FAM47E: variants seen among roughly 807,000 people sequenced by gnomAD.
The protein encoded by FAM47E is protein FAM47E.
A neutral mutation model predicts 41.6 loss-of-function variants in FAM47E; 32 were observed. That is an observed-to-expected ratio of 0.77 (90% CI 0.58 to 1.03). The LOEUF (loss-of-function observed/expected upper bound fraction) is 1.03, where lower values mean the gene tolerates loss of function less well. Among genes scored for constraint, FAM47E ranks in the 50% least tolerant of loss-of-function variants. FAM47E has a pLI of 0.00. For synonymous variants in FAM47E, 184 were observed against 188.7 expected (o/e 0.98, Z 0.20); for missense variants, 424 against 485.4 (o/e 0.87, Z 1.19).
chr4:76,225,844 T>C (rs562507199), intron 2 of FAM47E, among the ~76,000 whole-genome samples: 3 of 152,312 alleles, frequency 2.0e-5, no homozygotes, highest in African/African-American at 7.2e-5. Flanking sequence ...TAGTCTGTAA[T>C]TGTTTTTGTT....
At chr4:76,266,913 A>T (rs922154518) in intron 3 of FAM47E, among the ~76,000 whole-genome samples, 4 of 152,110 alleles carry the variant, frequency 2.6e-5, no homozygotes, top group African/African-American at 9.7e-5. Context: ...GCATGACTTG[A>T]CATTTACATG....
At chr4:76,251,472 C>T (rs1020575344), upstream of FAM47E, among the ~76,000 whole-genome samples, 5 of 152,182 alleles carry the variant, frequency 3.3e-5, no homozygotes, top group Non-Finnish European at 7.3e-5. Flanking sequence ...AACGCCTGAT[C>T]CAGTCTATGG....
chr4:76,268,477 G>A (rs577794075), intron 3 of FAM47E, 183 bp from the exon 4 acceptor site: 2 of 573,546 alleles, frequency 3.5e-6, no homozygotes, highest in South Asian at 4.9e-5. Flanking sequence ...TGATATACTT[G>A]TCTTTATGAT....
intron 1 of FAM47E, 140 bp downstream of exon 1, chr4:76,251,960 A>G (rs1733984099): frequency 8.7e-6 from 10 of 1,151,612 alleles, no homozygotes; most frequent in South Asian, 2.3e-5. Flanking sequence ...TACGTACAAC[A>G]TAATACGCTG....
At chr4:76,235,707 G>C (rs1733575552) in intron 2 of FAM47E, among the ~76,000 whole-genome samples, 2 of 152,218 alleles carry the variant, frequency 1.3e-5, no homozygotes, top group African/African-American at 4.8e-5. Context: ...ATATGCTGCT[G>C]TTTCACAAAG....
At chr4:76,262,037 C>G (rs988419055) in intron 2 of FAM47E, among the ~76,000 whole-genome samples, 1 of 152,092 alleles carries the variant, frequency 6.6e-6, no homozygotes, top group African/African-American at 2.4e-5. Context: ...GGTGTTGCTA[C>G]TGGATCACCA....
At chr4:76,240,601 G>C (rs1213819239) in intron 2 of FAM47E, among the ~76,000 whole-genome samples, 1 of 152,000 alleles carries the variant, frequency 6.6e-6, no homozygotes, top group Non-Finnish European at 1.5e-5. Context: ...ATATTCCTCA[G>C]ATTCAATAAT....
intron 2 of FAM47E, among the ~76,000 whole-genome samples, chr4:76,245,303 G>A (rs1207009732): frequency 6.6e-6 from 1 of 152,138 alleles, no homozygotes. Context: ...AAAGAGCTGA[G>A]AGCCAAACAG....
At chr4:76,215,162 A>T (rs1310958884) in intron 1 of FAM47E, among the ~76,000 whole-genome samples, 2 of 152,374 alleles carry the variant, frequency 1.3e-5, no homozygotes, top group Non-Finnish European at 1.5e-5. Flanking sequence ...ATTTCAGCAG[A>T]GCTCAGCAGT....
chr4:76,217,672 T>C, exon 2 of FAM47E: 3 of 648,326 alleles, frequency 4.6e-6, no homozygotes, highest in Non-Finnish European at 8.4e-6. Flanking sequence ...AAACCTCTTT[T>C]CACTACCCAA....
intron 1 of FAM47E, among the ~76,000 whole-genome samples, chr4:76,216,169 T>C (rs1398722179): frequency 6.6e-6 from 1 of 152,214 alleles, no homozygotes; most frequent in East Asian, 1.9e-4. Context: ...TCTTCTCTGC[T>C]GTTAAGTTTC....
intron 2 of FAM47E, among the ~76,000 whole-genome samples, chr4:76,225,159 A>G (rs926763995): frequency 6.6e-6 from 1 of 152,158 alleles, no homozygotes. Flanking sequence ...TAGTAAATAT[A>G]TATACCACAT....
At chr4:76,254,678 G>A (rs1221654225) in intron 1 of FAM47E, among the ~76,000 whole-genome samples, 1 of 152,188 alleles carries the variant, frequency 6.6e-6, no homozygotes, top group Non-Finnish European at 1.5e-5. Flanking sequence ...GCAAGGATTA[G>A]ATTTGGTGTA....
chr4:76,274,718 C>T (rs1735026758), intron 5 of FAM47E, among the ~76,000 whole-genome samples: 1 of 152,192 alleles, frequency 6.6e-6, no homozygotes, highest in South Asian at 2.1e-4. Context: ...GGCAGTGTTC[C>T]TGGCCCTGTG....
intron 2 of FAM47E, among the ~76,000 whole-genome samples, chr4:76,240,047 T>C (rs1560734398): frequency 6.6e-6 from 1 of 152,244 alleles, no homozygotes; most frequent in Non-Finnish European, 1.5e-5. Flanking sequence ...GACTGTGTTC[T>C]ATTCCATTGG....
intron 2 of FAM47E, among the ~76,000 whole-genome samples, chr4:76,233,865 G>A (rs1488979406): frequency 6.6e-6 from 1 of 152,182 alleles, no homozygotes; most frequent in African/African-American, 2.4e-5. Flanking sequence ...GTTGGTTGGG[G>A]GGGGCTTGGT....
intron 4 of FAM47E, among the ~76,000 whole-genome samples, chr4:76,271,169 G>A (rs894718852): frequency 3.3e-5 from 5 of 152,202 alleles, no homozygotes; most frequent in Non-Finnish European, 2.9e-5. Context: ...TACAGAATGC[G>A]GCTGACTAAA....
intron 2 of FAM47E, among the ~76,000 whole-genome samples, chr4:76,244,450 G>T (rs1432840251): frequency 2.6e-5 from 4 of 151,470 alleles, no homozygotes; most frequent in African/African-American, 9.7e-5. Context: ...GGCCTGAGAT[G>T]GTACCTCATT....
chr4:76,218,617 T>C (rs939902739), intron 2 of FAM47E, among the ~76,000 whole-genome samples: 1 of 152,238 alleles, frequency 6.6e-6, no homozygotes, highest in African/African-American at 2.4e-5. Context: ...TTTGGGGTTA[T>C]GGGAAAATGA....
Sources: allele counts gnomAD v4.1 joint callset (sites outside exome capture counted in the v4.1 genomes callset), GRCh38; gene constraint gnomAD v4.1.1; transcripts MANE v1.5; gene names NCBI Gene and HGNC (gene_info 2026-07-23, HGNC 2026-07-21).